Variants in DIP2C observed in about 807,000 individuals in gnomAD.
The protein encoded by DIP2C is disco-interacting protein 2 homolog C.
DIP2C carries 33 observed loss-of-function variants against 192.4 expected under a neutral mutation model. That is an observed-to-expected ratio of 0.17 (90% CI 0.13 to 0.23). The LOEUF is 0.23. Ranked by LOEUF, DIP2C falls within the 10% of genes least tolerant of loss-of-function variation. The probability of loss-of-function intolerance (pLI) is 1.00; values close to 1 mark genes in which losing one functional copy is unlikely to be tolerated. For synonymous variants in DIP2C, 979 were observed against 864.1 expected (o/e 1.13, Z -2.33); for missense variants, 1,537 against 2,110.1 (o/e 0.73, Z 5.32).
intron 1 of DIP2C, among the ~76,000 whole-genome samples, chr10:491,530 G>A (rs762095652): frequency 4.6e-5 from 7 of 152,154 alleles, no homozygotes; most frequent in Admixed American, 1.3e-4. Context: ...TGTACCCCTC[G>A]CCTGCACTGG....
chr10:563,192 C>T (rs1429210007), intron 1 of DIP2C, among the ~76,000 whole-genome samples: 4 of 152,248 alleles, frequency 2.6e-5, no homozygotes, highest in Non-Finnish European at 5.9e-5. Context: ...GCAGACTGTT[C>T]CACAGTGCCC....
intron 2 of DIP2C, among the ~76,000 whole-genome samples, chr10:475,131 C>G (rs1431362495): frequency 2.6e-5 from 4 of 152,144 alleles, no homozygotes; most frequent in African/African-American, 9.7e-5. Flanking sequence ...AAATCTGGAG[C>G]CTCCCAGTTT....
At chr10:573,981 T>TC (rs1319118316) in intron 1 of DIP2C, among the ~76,000 whole-genome samples, 1 of 152,076 alleles carries the variant, frequency 6.6e-6, no homozygotes, top group Non-Finnish European at 1.5e-5. Flanking sequence ...TGAACGGTCC[T>TC]CCCTGTCACT....
chr10:685,954 G>A (rs117234341), intron 1 of DIP2C, among the ~76,000 whole-genome samples: 2 of 3,892 alleles, frequency 5.1e-4, no homozygotes, highest in East Asian at 9.6e-3. Flanking sequence ...GAGTGAGACC[G>A]TCTCAAAAAT....
intron 32 of DIP2C, among the ~76,000 whole-genome samples, chr10:293,395 T>C (rs1955588179): frequency 6.6e-6 from 1 of 152,386 alleles, no homozygotes; most frequent in East Asian, 1.9e-4. Flanking sequence ...ATGGCATTTA[T>C]GAATGTGCCG....
chr10:537,938 C>T (rs774638269), intron 1 of DIP2C, among the ~76,000 whole-genome samples: 16 of 152,008 alleles, frequency 1.1e-4, no homozygotes, highest in South Asian at 4.2e-4. Flanking sequence ...TACAGGCACG[C>T]GCCACCATGC....
chr10:409,585 G>A (rs944851947), intron 8 of DIP2C, among the ~76,000 whole-genome samples: 1 of 152,264 alleles, frequency 6.6e-6, no homozygotes, highest in Non-Finnish European at 1.5e-5. Context: ...CCGCGGGGAA[G>A]GTTGTAGGGA....
At chr10:344,967 A>G in intron 27 of DIP2C, 32 bp downstream of exon 27, 1 of 1,607,938 alleles carries the variant, frequency 6.2e-7, no homozygotes, top group Non-Finnish European at 8.5e-7. Context: ...CAAGGCCGTG[A>G]GCAAACCACC....
At position 589,640 on chromosome 10, in the gene DIP2C, G is replaced by A. The variant is rs1403237299; in HGVS notation, c.85+99854C>T. Among the ~76,000 whole-genome samples, 5 of 152,120 alleles carry A rather than the reference G, an allele frequency of 3.3e-5. No individual in the cohort carries two copies. In the East Asian group the frequency reaches 9.6e-4, roughly 29 times the overall value. On this transcript the variant is annotated intron_variant, in intron 1 of 36. Coordinates refer to ENST00000280886, the MANE Select transcript of DIP2C (RefSeq NM_014974.3). ...GACTCCACTCTGTCAGCTAACCCGT[G>A]TGTCCCTCCTGAGCATAATTTACGA...
chr10:643,625 C>T (rs191054627), intron 1 of DIP2C, among the ~76,000 whole-genome samples: 115 of 152,364 alleles, frequency 7.5e-4, no homozygotes, highest in Non-Finnish European at 1.2e-3. Flanking sequence ...AAAGAGTCAT[C>T]CACCTGCCTT....
intron 32 of DIP2C, 146 bp downstream of exon 32, chr10:309,884 TA>T: frequency 1.3e-6 from 1 of 772,482 alleles, no homozygotes; most frequent in Non-Finnish European, 2.1e-6. Context: ...AGCCAATGCC[TA>T]ACTCCACCAC....
At chr10:358,828 AGGGATGGGGGATGGGCAGG>A (rs1165060767) in intron 22 of DIP2C, among the ~76,000 whole-genome samples, 6 of 29,652 alleles carry the variant, frequency 2.0e-4, no homozygotes, top group Non-Finnish European at 3.6e-4. Flanking sequence ...GAGGGGGCAG[AGGGATGGGGGATGGGCAGG>A]GGGAGGAGCA....
At position 382,714 on chromosome 10, in the gene DIP2C, C is replaced by T; in HGVS notation, c.1924G>A (p.Gly642Ser). The T allele has an allele frequency of 6.2e-7, 1 of 1,613,772 alleles. No homozygotes were observed. The highest frequency in any genetic ancestry group is 8.5e-7 in the Non-Finnish European group (1 of 1,179,888). The change falls in exon 17 of 37, where the codon GGC (glycine) becomes AGC (serine). Residue 642 changes from glycine to serine, a missense_variant. By Grantham distance (56) the Gly-to-Ser change is moderately conservative (BLOSUM62 0). Around this residue, in one of 4 missense-constraint regions of DIP2C, gnomAD observed 677 missense variants for 989.9 expected, o/e 0.68. Coordinates refer to ENST00000280886, the MANE Select transcript of DIP2C (RefSeq NM_014974.3). ...GGACAGATGACCTCCTGTCGAAGGC[C>T]TTTACTTTGGAAGACATTGAGAAAT... ...DAFLNVFQSK[G>S]LRQEVICPCA...
chr10:571,500 T>A (rs1191420449), intron 1 of DIP2C, among the ~76,000 whole-genome samples: 1 of 144,512 alleles, frequency 6.9e-6, no homozygotes, highest in Non-Finnish European at 1.5e-5. Flanking sequence ...TCCCTCCCCC[T>A]TTCACTTCCC....
At chr10:606,792 G>A (rs1852519138) in intron 1 of DIP2C, among the ~76,000 whole-genome samples, 1 of 152,144 alleles carries the variant, frequency 6.6e-6, no homozygotes, top group African/African-American at 2.4e-5. Flanking sequence ...CCCAACCCGA[G>A]ACCAGGGAAG....
At chr10:419,406 G>A (rs1369929919) in intron 5 of DIP2C, among the ~76,000 whole-genome samples, 1 of 152,246 alleles carries the variant, frequency 6.6e-6, no homozygotes, top group Non-Finnish European at 1.5e-5. Flanking sequence ...AAATGGAGCA[G>A]AGTTCGGTAA....
chr10:617,571 C>T (rs1185522074), intron 1 of DIP2C, among the ~76,000 whole-genome samples: 2 of 152,146 alleles, frequency 1.3e-5, no homozygotes, highest in Non-Finnish European at 2.9e-5. Flanking sequence ...CCACTCCACC[C>T]ACCTCCCATT....
intron 1 of DIP2C, among the ~76,000 whole-genome samples, chr10:494,354 G>T (rs1844662406): frequency 6.6e-6 from 1 of 152,072 alleles, no homozygotes; most frequent in Non-Finnish European, 1.5e-5. Context: ...GGCGCGCAGT[G>T]ACCTCAGCAC....
chr10:639,706 C>A (rs754506917), intron 1 of DIP2C, among the ~76,000 whole-genome samples: 17 of 152,234 alleles, frequency 1.1e-4, no homozygotes, highest in Non-Finnish European at 2.5e-4. Flanking sequence ...AGCAGTCTTT[C>A]ATGTCCACTG....
Sources: gnomAD v4.1 joint callset for allele counts (sites outside exome capture counted in the v4.1 genomes callset) on GRCh38, gnomAD v4.1.1 for gene constraint, gnomAD v4.1.1 regional missense constraint, MANE v1.5 for transcripts, NCBI Gene and HGNC (gene_info 2026-07-23, HGNC 2026-07-21) for gene names.